The following MICALL2 variants were observed in gnomAD, a reference collection of about 807,000 sequenced individuals.
MICALL2 encodes MICAL like 2, also known as MICAL-like protein 2.
MICALL2 carries 111 observed loss-of-function variants against 91.1 expected under a neutral mutation model. The observed-to-expected ratio is 1.22, with a 90% confidence interval of 1.04 to 1.43. The LOEUF (loss-of-function observed/expected upper bound fraction) is 1.43. Among genes scored for constraint, MICALL2 ranks in the 40% most tolerant of loss-of-function variants. MICALL2 has a pLI of 0.00. For missense variants in MICALL2, 1,556 were observed against 1,236.0 expected, an observed-to-expected ratio of 1.26 and a Z score of -3.88; for synonymous variants, 694 against 525.3, an observed-to-expected ratio of 1.32 and a Z score of -4.39.
At chr7:1,444,621 A>T in intron 6 of MICALL2, 31 bp downstream of exon 6, 1 of 1,590,888 alleles carries the variant, frequency 6.3e-7, no homozygotes. Flanking sequence ...AAGAGGCCAT[A>T]CCCGGGGTCC....
intron 8 of MICALL2, 56 bp downstream of exon 8, chr7:1,440,535 A>G: frequency 1.4e-6 from 2 of 1,465,084 alleles, no homozygotes; most frequent in Non-Finnish European, 1.9e-6. Flanking sequence ...TACTCACTGC[A>G]TTTATTAAGC....
At chr7:1,436,719 G>T (rs369498128) in intron 15 of MICALL2, 23 bp downstream of exon 15, 2 of 1,579,834 alleles carry the variant, frequency 1.3e-6, no homozygotes, top group Non-Finnish European at 8.6e-7. Context: ...GGCTGGGAGG[G>T]GCCCCCGGCA....
chr7:1,456,674 G>C (rs1019160813), intron 1 of MICALL2, among the ~76,000 whole-genome samples: 1 of 152,138 alleles, frequency 6.6e-6, no homozygotes, highest in Admixed American at 6.5e-5. Context: ...GGGAGGTTGA[G>C]GTGGGAGGAT....
Position 1,444,956 on chromosome 7 carries a change from G to A in MICALL2, c.1114C>T (p.Arg372Cys), listed in dbSNP as rs769238526. ...PAVPPSAPDP[R>C]PATPQGGGAP... is the part of the protein sequence containing the mutation. ...CCCCCACCCTGGGGTGTGGCCGGGC[G>A]AGGGTCTGGGGCACTCGGGGGCACG... The change falls in exon 6 of 17, where the codon CGC becomes TGC. Residue 372 changes from arginine (R) to cysteine (C), a missense_variant. Coordinates refer to ENST00000297508, the MANE Select transcript of MICALL2 (RefSeq NM_182924.4). 63 of 1,510,130 alleles carry A rather than the reference G, an allele frequency of 4.2e-5. No homozygotes were observed. The highest frequency in any genetic ancestry group is 6.4e-5 in the South Asian group (5 of 78,324). The allele number at this position is 1,510,130 out of a possible 1,614,324, so 93.5% of individuals were successfully genotyped here. A position where few individuals can be genotyped will look rare whatever the true frequency, so the allele number is the denominator to read the frequency against.
In MICALL2 at chr7:1,438,338, G is replaced by T; in HGVS notation, c.2138C>A (p.Pro713Gln). The T allele has an allele frequency of 6.2e-7, 1 of 1,603,390 alleles. No homozygotes were observed. Among genetic ancestry groups the T allele is most frequent in the Non-Finnish European group, 8.5e-7 (1 of 1,176,256 alleles). Residue 713 changes from proline to glutamine, a missense_variant, in exon 11 of 17, where the codon CCG becomes CAG. By Grantham distance (76) the Pro-to-Gln change is moderately conservative (BLOSUM62 -1). Coordinates refer to ENST00000297508, the MANE Select transcript of MICALL2 (RefSeq NM_182924.4). ...GCCAGGCAGAGCAGGGACATTGGCC[G>T]GGGACAAGGGTCTCCCTGGAGAAGG... ...LQGKPGRPLSPANVPALPGET... is the reference protein window; with the variant it reads ...LQGKPGRPLSQANVPALPGET...
chr7:1,436,991 G>T (rs897135105), intron 14 of MICALL2, 135 bp from the exon 15 acceptor site: 3 of 583,938 alleles, frequency 5.1e-6, no homozygotes, highest in Admixed American at 3.7e-5. Context: ...ATCCGGAGCA[G>T]AATGAATGAG....
In MICALL2 at chr7:1,441,789, C is replaced by T. The variant is rs151282676; in HGVS notation, c.1711+403G>A. The T allele has an allele frequency of 9.8e-5, 24 of 245,378 alleles. No individual in the cohort carries two copies. The East Asian group carries it at 1.0e-3, about 11-fold the overall frequency. The allele number at this position is 245,378 out of a possible 1,614,324, so 15.2% of individuals were successfully genotyped here. A position where few individuals can be genotyped will look rare whatever the true frequency, so the allele number is the denominator to read the frequency against. ...GACACAGGGTGCCACAGCAACAGCG[C>T]GACGTTGTCAAAGCGACAGGCAGGA... On this transcript the variant is annotated intron_variant, in intron 7 of 16. Coordinates refer to ENST00000297508, the MANE Select transcript of MICALL2 (RefSeq NM_182924.4).
At chr7:1,440,948 G>A in intron 7 of MICALL2, 1 of 482,796 alleles carries the variant, frequency 2.1e-6, no homozygotes. Context: ...AATGGGTGGG[G>A]ACGTGGCAGG....
chr7:1,438,829 CTG>C lies in MICALL2; in HGVS notation c.2122+9_2122+10del, dbSNP rs1347770558. The C allele has an allele frequency of 6.3e-7, 1 of 1,597,166 alleles. No individual in the cohort carries two copies. Among genetic ancestry groups the C allele is most frequent in the South Asian group, 1.1e-5 (1 of 90,682 alleles). On this transcript the variant is annotated intron_variant, in intron 10 of 16. Coordinates refer to ENST00000297508, the MANE Select transcript of MICALL2 (RefSeq NM_182924.4). The stretch of plus-strand genomic sequence containing the variant: ...TACACCCCAAACAGCAGCGGTGTCT[CTG>C]GGGCTGACCTGGTTTGCCCTGAAGG...
Position 1,459,337 on chromosome 7 carries a change from C to T in MICALL2, c.-11G>A. The T allele has an allele frequency of 6.6e-7, 1 of 1,509,710 alleles. No homozygotes were observed. The highest frequency in any genetic ancestry group is 8.8e-7 in the Non-Finnish European group (1 of 1,131,218). 93.5% of individuals were successfully genotyped at this position (1,509,710 alleles called of 1,614,324 possible). On this transcript the variant is annotated 5_prime_UTR_variant, in exon 1 of 17. Coordinates refer to ENST00000297508, the MANE Select transcript of MICALL2 (RefSeq NM_182924.4). ...CCTGATGGCCGCCATGTGGGCGGCG[C>T]GCCCGCCGCGCGGCGGAACCGCCCT...
chr7:1,455,795 G>A (rs1028812274), intron 1 of MICALL2, among the ~76,000 whole-genome samples: 4 of 151,980 alleles, frequency 2.6e-5, no homozygotes, highest in African/African-American at 9.7e-5. Context: ...ACAAAGGGAA[G>A]GACTTCCTGG....
chr7:1,446,529 G>T (rs1168842606), intron 5 of MICALL2, 184 bp downstream of exon 5: 3 of 556,702 alleles, frequency 5.4e-6, no homozygotes, highest in Non-Finnish European at 9.6e-6. Context: ...AGGGAGAAGG[G>T]GAGGAGAGGG....
chr7:1,445,228 T>C lies in MICALL2; in HGVS notation c.842A>G (p.Lys281Arg). 6.2e-7 allele frequency: 1 copy of C among 1,611,160 alleles called. No individual in the cohort carries two copies. Among genetic ancestry groups the C allele is most frequent in the Non-Finnish European group, 8.5e-7 (1 of 1,179,334 alleles). The change falls in exon 6 of 17, where the codon AAG becomes AGG. Residue 281 changes from lysine to arginine, a missense_variant. Transcript: ENST00000297508. Reference protein sequence around the residue: ...CSPQKAQEANKARPSAWEPAA... With the variant: ...CSPQKAQEANRARPSAWEPAA... The stretch of plus-strand genomic sequence containing the variant: ...AGGCTCCCAGGCCGACGGTCTGGCC[T>C]TGTTTGCCTCCTGGGCCTTCTGTGG...
At chr7:1,438,701 G>T in intron 10 of MICALL2, 139 bp downstream of exon 10, 5 of 1,484,328 alleles carry the variant, frequency 3.4e-6, no homozygotes, top group Non-Finnish European at 4.5e-6. Context: ...TGGGGCACGG[G>T]GCTGGGTCCT....
At position 1,440,573 on chromosome 7, in the gene MICALL2, G is replaced by A. The variant is rs1562452486; in HGVS notation, c.1805+18C>T. On this transcript the variant is annotated intron_variant, in intron 8 of 16. Transcript: ENST00000297508. ...CTATGGTGTACCAGGCCCTGGGCCA[G>A]CCCCACCCATCCCTAACCTCTCAGC... The A allele has an allele frequency of 1.2e-6, 2 of 1,607,620 alleles. No homozygotes were observed. The highest frequency in any genetic ancestry group is 2.2e-5 in the East Asian group (1 of 44,856).
In MICALL2 at chr7:1,444,712, C is replaced by T. The variant is rs376069192; in HGVS notation, c.1358G>A (p.Arg453Gln). ...TGAGAGGGCCTGCTTGAGGAAGTTCCGCGCCTGCTCCTTGCTGCTGTCCTT... is the reference window on the plus strand; with the variant it reads ...TGAGAGGGCCTGCTTGAGGAAGTTCTGCGCCTGCTCCTTGCTGCTGTCCTT... ...LSKDSSKEQA[R>Q]NFLKQALSAL... The change falls in exon 6 of 17, where the codon CGG becomes CAG. Residue 453 changes from arginine to glutamine, a missense_variant. Physicochemically the swap from Arg to Gln is conservative, Grantham distance 43. Transcript: ENST00000297508. 167 of 1,612,244 alleles carry T rather than the reference C, an allele frequency of 1.0e-4. No homozygotes were observed. Among genetic ancestry groups the T allele is most frequent in the East Asian group, 1.8e-4 (8 of 44,888 alleles).
In MICALL2 at chr7:1,434,479, C is replaced by T; in HGVS notation, c.*117G>A. Reference sequence around the variant, plus strand: ...CCGAGTCCAAGTCCGAATGCCGGGTCCGGGCCGAGCCCACGGCCCCGAGTA... The same window carrying T: ...CCGAGTCCAAGTCCGAATGCCGGGTTCGGGCCGAGCCCACGGCCCCGAGTA... On this transcript the variant is annotated 3_prime_UTR_variant, in exon 17 of 17. Transcript: ENST00000297508. 1.1e-6 allele frequency: 1 copy of T among 905,216 alleles called. No individual in the cohort carries two copies. Among genetic ancestry groups the T allele is most frequent in the Non-Finnish European group, 1.8e-6 (1 of 547,828 alleles). 56.1% of individuals were successfully genotyped at this position (905,216 alleles called of 1,614,324 possible).
At chr7:1,442,107 A>G (rs1390519379) in intron 7 of MICALL2, 85 bp downstream of exon 7, 13 of 1,457,948 alleles carry the variant, frequency 8.9e-6, no homozygotes, top group Non-Finnish European at 1.0e-5. Flanking sequence ...TGATGATGAA[A>G]CCGCACACAC....
intron 7 of MICALL2, chr7:1,440,890 C>T: frequency 1.8e-6 from 1 of 561,614 alleles, no homozygotes; most frequent in Non-Finnish European, 3.2e-6. Flanking sequence ...CTGTGTGTCC[C>T]TGGGGGAAGC....
Sources: gnomAD v4.1 joint callset for allele counts (sites outside exome capture counted in the v4.1 genomes callset) on GRCh38, gnomAD v4.1.1 for gene constraint, MANE v1.5 for transcripts, NCBI Gene and HGNC (gene_info 2026-07-23, HGNC 2026-07-21) for gene names.